EPHA6: variants seen among roughly 807,000 people sequenced by gnomAD.
EPHA6 encodes the protein EPH receptor A6.
Under a neutral mutation model 112.0 loss-of-function variants are expected in EPHA6, and 50 were observed. The ratio of observed to expected loss-of-function variants is 0.45; its 90% CI spans 0.36 to 0.56. The LOEUF is 0.56. EPHA6 is among the 20% of genes least tolerant of loss of function. The pLI is 0.00. For synonymous variants in EPHA6, 529 were observed against 490.7 expected, an observed-to-expected ratio of 1.08 and a Z score of -1.03; for missense variants, 1,280 against 1,417.4, an observed-to-expected ratio of 0.90 and a Z score of 1.56.
At chr3:97,497,652 G>T (rs1347139376) in intron 10 of EPHA6, among the ~76,000 whole-genome samples, 2 of 152,188 alleles carry the variant, frequency 1.3e-5, no homozygotes, top group African/African-American at 4.8e-5. Flanking sequence ...TTAATTAATG[G>T]ATATAGAATT....
intron 14 of EPHA6, among the ~76,000 whole-genome samples, chr3:97,705,017 A>C (rs2033602673): frequency 6.6e-6 from 1 of 152,216 alleles, no homozygotes; most frequent in Admixed American, 6.5e-5. Flanking sequence ...TAACAAAACC[A>C]AACAAAAATG....
At chr3:97,322,742 A>G (rs1027141165) in intron 5 of EPHA6, among the ~76,000 whole-genome samples, 3 of 152,028 alleles carry the variant, frequency 2.0e-5, no homozygotes, top group African/African-American at 4.8e-5. Flanking sequence ...CTAAAATGCA[A>G]TTACATTTTT....
At chr3:97,279,741 C>T (rs2080221977) in intron 5 of EPHA6, among the ~76,000 whole-genome samples, 1 of 152,190 alleles carries the variant, frequency 6.6e-6, no homozygotes, top group African/African-American at 2.4e-5. Flanking sequence ...ATGACATTTT[C>T]ACTTCCAAAT....
At position 96,919,150 on chromosome 3, in the gene EPHA6, G is replaced by A. The variant is rs191001012; in HGVS notation, c.450+52261G>A. ...TGTGGAACGTAGCCGCTTTTAATAA[G>A]TGTGTAATGGAAAAAAGCCTACTCT... On this transcript the variant is annotated intron_variant, in intron 2 of 17. Coordinates refer to ENST00000389672, the MANE Select transcript of EPHA6 (RefSeq NM_001080448.3). Among the ~76,000 whole-genome samples the A allele has an allele frequency of 1.6e-3, 238 of 151,916 alleles. 2 individuals are homozygous for A. Among genetic ancestry groups the A allele is most frequent in the African/African-American group, 5.5e-3 (230 of 41,526 alleles).
At chr3:97,506,574 G>C (rs1456462087) in intron 10 of EPHA6, among the ~76,000 whole-genome samples, 2 of 152,092 alleles carry the variant, frequency 1.3e-5, no homozygotes, top group Admixed American at 1.3e-4. Context: ...ATGCTGTTTT[G>C]GTTACTGTAG....
chr3:97,392,744 T>G lies in EPHA6; in HGVS notation c.1607-12406T>G, dbSNP rs544652708. 3.3e-5 allele frequency among the ~76,000 whole-genome samples: 5 copies of G among 151,894 alleles called. No homozygotes were observed. The East Asian group carries it at 9.6e-4, about 29-fold the overall frequency. ...GCTGCTTCCTTTCCGTAATATTAGT[T>G]AAAATGATTTTAGTCATCTACTTAT... On this transcript the variant is annotated intron_variant, in intron 5 of 17. Coordinates refer to ENST00000389672, the MANE Select transcript of EPHA6 (RefSeq NM_001080448.3).
intron 2 of EPHA6, among the ~76,000 whole-genome samples, chr3:96,892,493 A>T (rs1005255408): frequency 2.0e-5 from 3 of 152,132 alleles, no homozygotes; most frequent in Non-Finnish European, 2.9e-5. Flanking sequence ...AAGTGCTGGG[A>T]TTACAGGCAT....
rs1325082575 is a variant in EPHA6, at chr3:97,644,381, A to G, written c.2784+6299A>G. ...CCCTAACATCACAATTAAAAGAACTAGAAAAGCAAGAGCAAACACATTCAA... is the reference window on the plus strand; with the variant it reads ...CCCTAACATCACAATTAAAAGAACTGGAAAAGCAAGAGCAAACACATTCAA... On this transcript the variant is annotated intron_variant, in intron 14 of 17. Transcript: ENST00000389672. Among the ~76,000 whole-genome samples the G allele has an allele frequency of 4.7e-5, 7 of 148,872 alleles. No individual in the cohort carries two copies. In the East Asian group the frequency reaches 1.2e-3, roughly 26 times the overall value.
At chr3:97,667,647 G>T (rs1403899722) in intron 14 of EPHA6, among the ~76,000 whole-genome samples, 3 of 152,086 alleles carry the variant, frequency 2.0e-5, no homozygotes, top group Non-Finnish European at 4.4e-5. Context: ...ATATCTAAGT[G>T]CCTTTATGTA....
chr3:97,232,763 C>T (rs1424900000), intron 4 of EPHA6, among the ~76,000 whole-genome samples: 1 of 152,116 alleles, frequency 6.6e-6, no homozygotes, highest in Non-Finnish European at 1.5e-5. Flanking sequence ...TCATTTGGCC[C>T]TTTACTTGAG....
At chr3:97,580,092 G>A (rs1446463530) in intron 11 of EPHA6, among the ~76,000 whole-genome samples, 1 of 152,150 alleles carries the variant, frequency 6.6e-6, no homozygotes, top group Admixed American at 6.5e-5. Context: ...AACATCTAGG[G>A]CATAAAGTAG....
chr3:97,261,855 G>A (rs1320291594), intron 5 of EPHA6, among the ~76,000 whole-genome samples: 1 of 152,108 alleles, frequency 6.6e-6, no homozygotes, highest in Non-Finnish European at 1.5e-5. Flanking sequence ...CTGAGACACA[G>A]CAAGACTAAA....
intron 3 of EPHA6, among the ~76,000 whole-genome samples, chr3:97,129,591 T>G (rs924457283): frequency 2.0e-5 from 3 of 151,780 alleles, no homozygotes; most frequent in Non-Finnish European, 2.9e-5. Context: ...TTAAAAACAA[T>G]TTTTTCTGAC....
chr3:97,207,850 A>G (rs1336826399), intron 3 of EPHA6, among the ~76,000 whole-genome samples: 1 of 152,186 alleles, frequency 6.6e-6, no homozygotes, highest in Non-Finnish European at 1.5e-5. Flanking sequence ...CCTGCTTGCC[A>G]TGAAAATTGG....
At chr3:96,824,007 T>C (rs1309008307) in intron 1 of EPHA6, among the ~76,000 whole-genome samples, 1 of 151,862 alleles carries the variant, frequency 6.6e-6, no homozygotes, top group East Asian at 1.9e-4. Context: ...TATAGTATGA[T>C]AACTTATTGT....
chr3:97,296,813 T>C (rs568456196), intron 5 of EPHA6, among the ~76,000 whole-genome samples: 4 of 152,062 alleles, frequency 2.6e-5, no homozygotes, highest in Non-Finnish European at 4.4e-5. Context: ...TGCACCACCT[T>C]TTCTCTGGGG....
At chr3:97,619,438 G>GC (rs1209813202) in intron 13 of EPHA6, among the ~76,000 whole-genome samples, 13 of 148,464 alleles carry the variant, frequency 8.8e-5, no homozygotes, top group Non-Finnish European at 7.6e-5. Flanking sequence ...GAAAAAGGGG[G>GC]GGGGGGGCAT....
At chr3:96,823,889 T>C (rs973351513) in intron 1 of EPHA6, among the ~76,000 whole-genome samples, 11 of 151,834 alleles carry the variant, frequency 7.2e-5, no homozygotes, top group African/African-American at 2.7e-4. Context: ...TGGAAATGTG[T>C]ACTGTTGGTG....
intron 14 of EPHA6, among the ~76,000 whole-genome samples, chr3:97,680,024 T>G (rs2031731469): frequency 1.3e-5 from 2 of 152,176 alleles, no homozygotes; most frequent in Admixed American, 1.3e-4. Context: ...TTTCCCATCT[T>G]TAGAGTTACA....
Sources: gnomAD v4.1 joint callset for allele counts (sites outside exome capture counted in the v4.1 genomes callset) on GRCh38, gnomAD v4.1.1 for gene constraint, MANE v1.5 for transcripts, NCBI Gene and HGNC (gene_info 2026-07-23, HGNC 2026-07-21) for gene names.